The following NRAP variants were observed in gnomAD, a reference collection of about 807,000 sequenced individuals.
NRAP encodes nebulin related anchoring protein, also known as nebulin-related-anchoring protein.
A neutral mutation model predicts 225.9 loss-of-function variants in NRAP; 189 were observed. That is an observed-to-expected ratio of 0.84 (90% CI 0.74 to 0.94). The LOEUF (loss-of-function observed/expected upper bound fraction) is 0.94. NRAP is among the 40% of genes least tolerant of loss of function. The pLI, the probability that NRAP is intolerant of heterozygous loss-of-function variation, is 0.00. For synonymous variants in NRAP, 769 were observed against 790.7 expected (o/e 0.97, Z 0.46); for missense variants, 2,176 against 2,168.7 (o/e 1.00, Z -0.07).
At chr10:113,600,155 T>TTCCCTCTCTCTC (rs1846511149) in intron 35 of NRAP, among the ~76,000 whole-genome samples, 1 of 140,198 alleles carries the variant, frequency 7.1e-6, no homozygotes, top group Non-Finnish European at 1.5e-5. Context: ...AGGGGTTATA[T>TTCCCTCTCTCTC]TCTCTCTCTC....
At chr10:113,603,627 C>T (rs1482982677) in intron 35 of NRAP, among the ~76,000 whole-genome samples, 1 of 152,186 alleles carries the variant, frequency 6.6e-6, no homozygotes, top group Non-Finnish European at 1.5e-5. Flanking sequence ...CTCGTCCTTA[C>T]TCCGCAGAGC....
chr10:113,622,168 C>T lies in NRAP; in HGVS notation c.2470G>A (p.Glu824Lys). 1 of 1,611,270 alleles carries T rather than the reference C, an allele frequency of 6.2e-7. No homozygotes were observed. The highest frequency in any genetic ancestry group is 1.7e-4 in the Middle Eastern group (1 of 6,052). The part of the protein sequence containing the change: ...RDLASEVKYK[E>K]DYERSRGKLI... ...TTCCCTCTGGATCTCTCATAATCCTCCTTGTACTTCACCTAAATAAGAGGA... is the reference window on the plus strand; with the variant it reads ...TTCCCTCTGGATCTCTCATAATCCTTCTTGTACTTCACCTAAATAAGAGGA... The change falls in exon 24 of 42, where the codon GAG becomes AAG. Residue 824 changes from glutamate to lysine, a missense_variant. Glu to Lys is a moderately conservative substitution (Grantham distance 56). Coordinates refer to ENST00000359988, the MANE Select transcript of NRAP (RefSeq NM_198060.4).
intron 4 of NRAP, among the ~76,000 whole-genome samples, chr10:113,656,366 C>T (rs149320299): frequency 1.1e-4 from 17 of 152,296 alleles, no homozygotes; most frequent in African/African-American, 3.8e-4. Flanking sequence ...GTACACCTCA[C>T]ATGTACTGAT....
chr10:113,622,481 G>A (rs935228474), intron 23 of NRAP, among the ~76,000 whole-genome samples: 11 of 152,250 alleles, frequency 7.2e-5, no homozygotes, highest in South Asian at 4.1e-4. Context: ...CTCATGAAAG[G>A]AACTGAAATT....
intron 11 of NRAP, among the ~76,000 whole-genome samples, chr10:113,643,257 A>G (rs1243114154): frequency 6.6e-6 from 1 of 152,252 alleles, no homozygotes; most frequent in Non-Finnish European, 1.5e-5. Flanking sequence ...TTAAAAGCAT[A>G]TAGTCGCTTT....
chr10:113,606,014 T>C, intron 33 of NRAP, 145 bp from the exon 34 acceptor site: 1 of 784,058 alleles, frequency 1.3e-6, no homozygotes, highest in African/African-American at 1.7e-5. Context: ...CTGGGTACAC[T>C]CATGGACTCA....
intron 9 of NRAP, among the ~76,000 whole-genome samples, chr10:113,648,839 A>G (rs1199686731): frequency 1.3e-5 from 2 of 152,178 alleles, no homozygotes; most frequent in Admixed American, 6.5e-5. Context: ...CTATGATACT[A>G]TGAAGTTACA....
intron 5 of NRAP, among the ~76,000 whole-genome samples, chr10:113,653,524 C>G (rs1850120187): frequency 6.6e-6 from 1 of 152,150 alleles, no homozygotes; most frequent in South Asian, 2.1e-4. Flanking sequence ...AAAGAAAAGT[C>G]ATGAGGACTA....
chr10:113,642,799 C>T (rs1849282134), intron 12 of NRAP, 135 bp downstream of exon 12: 2 of 613,598 alleles, frequency 3.3e-6, no homozygotes, highest in African/African-American at 3.7e-5. Context: ...TTAACCAAAA[C>T]CCAGGCATTT....
chr10:113,615,035 G>C (rs2133949117), intron 27 of NRAP, 89 bp from the exon 28 acceptor site: 1 of 817,342 alleles, frequency 1.2e-6, no homozygotes, highest in African/African-American at 1.7e-5. Flanking sequence ...TCTGGTTTGT[G>C]GTGGGTCCCC....
intron 14 of NRAP, 107 bp from the exon 15 acceptor site, chr10:113,634,317 GAA>G (rs1474453929): frequency 1.3e-6 from 1 of 754,422 alleles, no homozygotes; most frequent in Non-Finnish European, 2.4e-6. Context: ...TGGCTACGTA[GAA>G]AAAGAGTCCA....
chr10:113,592,631 C>G (rs763677925), intron 38 of NRAP, among the ~76,000 whole-genome samples: 1 of 152,138 alleles, frequency 6.6e-6, no homozygotes, highest in African/African-American at 2.4e-5. Context: ...TTCAGTGCTT[C>G]GGGTTTGCAG....
intron 12 of NRAP, 97 bp from the exon 13 acceptor site, chr10:113,641,569 G>A: frequency 4.2e-6 from 3 of 721,780 alleles, no homozygotes; most frequent in Non-Finnish European, 7.2e-6. Flanking sequence ...AGGCATAAAT[G>A]ATTAAATATA....
chr10:113,604,939 C>T lies in NRAP; in HGVS notation c.3916-19G>A, dbSNP rs781725618. ...AGAGAAACTGCAAGAAAGGGCTGGCCGGTCAAATTCTATCTGTGCGTTTTC... is the reference window on the plus strand; with the variant it reads ...AGAGAAACTGCAAGAAAGGGCTGGCTGGTCAAATTCTATCTGTGCGTTTTC... On this transcript the variant is annotated intron_variant, in intron 34 of 41. Transcript: ENST00000359988. 38 of 1,601,532 alleles carry T rather than the reference C, an allele frequency of 2.4e-5. No homozygotes were observed. Among genetic ancestry groups the T allele is most frequent in the South Asian group, 5.6e-5 (5 of 89,870 alleles).
In NRAP at chr10:113,621,987, C is replaced by T. The variant is rs749440458; in HGVS notation, c.2651G>A (p.Arg884His). The change falls in exon 24 of 42, where the codon CGC becomes CAC. Residue 884 changes from arginine (R) to histidine (H), a missense_variant. Transcript: ENST00000359988. ...SLDMVHLVHA[R>H]KAQHLATDVG... Reference sequence around the variant, plus strand: ...GTCTGTGGCTAAATGCTGAGCTTTGCGGGCATGCACGAGGTGGACCATGTC... The same window carrying T: ...GTCTGTGGCTAAATGCTGAGCTTTGTGGGCATGCACGAGGTGGACCATGTC... 165 of 1,614,050 alleles carry T rather than the reference C, an allele frequency of 1.0e-4. No homozygotes were observed. Among genetic ancestry groups the T allele is most frequent in the Non-Finnish European group, 1.3e-4 (149 of 1,180,030 alleles).
In NRAP at chr10:113,592,271, G is replaced by A. The variant is rs151236285; in HGVS notation, c.4567C>T (p.Arg1523Trp). The change falls in exon 39 of 42, where the codon CGG becomes TGG. Residue 1523 changes from arginine (R) to tryptophan (W), a missense_variant. Arg to Trp is a moderately radical substitution (Grantham distance 101). This residue lies in a region of NRAP where 445 missense variants were observed against 426.1 expected (regional missense o/e 1.04). Transcript: ENST00000359988. ...AGCCTGAAGTCATAACTGCCAGCCC[G>A]GGTCTGCTCCCAGGAGTTTCTGTAG... ...KVYRNSWEQT[R>W]AGSYDFRLDA... 5.5e-5 allele frequency: 88 copies of A among 1,612,390 alleles called. No homozygotes were observed. Among genetic ancestry groups the A allele is most frequent in the East Asian group, 8.9e-5 (4 of 44,818 alleles).
In NRAP at chr10:113,610,477, T is replaced by A. The variant is rs935893762; in HGVS notation, c.3585A>T (p.Ala1195=). ...GTLEIEGRKK[A]SELISESKYR... is the part of the protein sequence containing the mutation. ...TAGTTACCTCACTGATGAGTTCCGA[T>A]GCTTTCTTCCTCCCTTCAATCTCTA... is the stretch of plus-strand genomic sequence containing the variant. The change falls in exon 31 of 42, where the codon GCA becomes GCT. Residue 1195 remains alanine, a synonymous_variant. Transcript: ENST00000359988. 2 of 1,574,950 alleles carry A rather than the reference T, an allele frequency of 1.3e-6. No homozygotes were observed. The highest frequency in any genetic ancestry group is 1.3e-5 in the African/African-American group (1 of 74,494).
At position 113,648,467 on chromosome 10, in the gene NRAP, C is replaced by CTCTCTATATA. The variant is rs749486311; in HGVS notation, c.889-1441_889-1440insTATATAGAGA. 4.9e-3 allele frequency among the ~76,000 whole-genome samples: 424 copies of CTCTCTATATA among 87,316 alleles called. 2 individuals are homozygous for CTCTCTATATA. The highest frequency in any genetic ancestry group is 8.1e-3 in the Middle Eastern group (1 of 124). 57.3% of individuals were successfully genotyped at this position (87,316 alleles called of 152,430 possible). On this transcript the variant is annotated intron_variant, in intron 9 of 41. Coordinates refer to ENST00000359988, the MANE Select transcript of NRAP (RefSeq NM_198060.4). ...TCTCTCTCTCTCTCTCTCTCTCTCT[C>CTCTCTATATA]TATATATATATATATATATATATGT...
At chr10:113,652,504 G>A (rs946722537) in intron 6 of NRAP, among the ~76,000 whole-genome samples, 5 of 152,006 alleles carry the variant, frequency 3.3e-5, no homozygotes, top group African/African-American at 4.8e-5. Flanking sequence ...AATTAGCTGG[G>A]TGTGGTGGCA....
Sources: allele counts gnomAD v4.1 joint callset (sites outside exome capture counted in the v4.1 genomes callset), GRCh38; gene constraint gnomAD v4.1.1; regional missense constraint gnomAD v4.1.1; transcripts MANE v1.5; gene names NCBI Gene and HGNC (gene_info 2026-07-23, HGNC 2026-07-21).